Variants in ITPR1 observed in about 807,000 individuals in gnomAD.
The protein encoded by ITPR1 is inositol 1,4,5-trisphosphate receptor type 1.
Under a neutral mutation model 318.4 loss-of-function variants are expected in ITPR1, and 96 were observed. That is an observed-to-expected ratio of 0.30 (90% CI 0.26 to 0.36). The LOEUF (loss-of-function observed/expected upper bound fraction) is 0.36. Ranked by LOEUF, ITPR1 falls within the 10% of genes least tolerant of loss-of-function variation. The pLI, the probability that ITPR1 is intolerant of heterozygous loss-of-function variation, is 1.00. For synonymous variants in ITPR1, 1,312 were observed against 1,289.9 expected (o/e 1.02, Z -0.37); for missense variants, 2,440 against 3,460.2 (o/e 0.71, Z 7.40).
chr3:4,787,444 C>T (rs569721563), intron 51 of ITPR1, among the ~76,000 whole-genome samples: 3 of 150,898 alleles, frequency 2.0e-5, no homozygotes, highest in African/African-American at 7.3e-5. Flanking sequence ...CCTGTAATCC[C>T]AGCATTTTGG....
chr3:4,687,138 C>T (rs1263205628), intron 30 of ITPR1, among the ~76,000 whole-genome samples: 1 of 152,210 alleles, frequency 6.6e-6, no homozygotes, highest in Non-Finnish European at 1.5e-5. Context: ...CTGTTTTGAA[C>T]AGCATATCAG....
At chr3:4,717,942 C>T (rs143269767) in intron 40 of ITPR1, among the ~76,000 whole-genome samples, 119 of 152,282 alleles carry the variant, frequency 7.8e-4, no homozygotes, top group African/African-American at 2.4e-3. Flanking sequence ...GCAGGCTCAC[C>T]GGCAAGGTTA....
chr3:4,822,382 T>TGC (rs1486938637), intron 60 of ITPR1, among the ~76,000 whole-genome samples: 1 of 152,222 alleles, frequency 6.6e-6, no homozygotes, highest in East Asian at 1.9e-4. Context: ...AGAGTGGGCA[T>TGC]CTTGACTCTA....
chr3:4,531,861 G>A (rs1400799236), intron 4 of ITPR1, among the ~76,000 whole-genome samples: 2 of 152,180 alleles, frequency 1.3e-5, no homozygotes, highest in Non-Finnish European at 2.9e-5. Context: ...CTTTTGCACA[G>A]ACTCTGAAGC....
intron 4 of ITPR1, among the ~76,000 whole-genome samples, chr3:4,583,974 C>T (rs1353217989): frequency 6.6e-6 from 1 of 152,198 alleles, no homozygotes; most frequent in Non-Finnish European, 1.5e-5. Flanking sequence ...ATGGGCATGG[C>T]TTTCTCGCTT....
At chr3:4,592,260 G>A (rs1429021993) in intron 4 of ITPR1, among the ~76,000 whole-genome samples, 1 of 152,158 alleles carries the variant, frequency 6.6e-6, no homozygotes, top group Admixed American at 6.5e-5. Context: ...CAAACTGACT[G>A]TCTTGTTTTA....
At chr3:4,510,662 T>G (rs1284982841) in intron 2 of ITPR1, among the ~76,000 whole-genome samples, 1 of 152,220 alleles carries the variant, frequency 6.6e-6, no homozygotes, top group Admixed American at 6.5e-5. Flanking sequence ...ATCTCTAGAA[T>G]ACAGCATGTG....
At position 4,680,228 on chromosome 3, in the gene ITPR1, A is replaced by G. The variant is rs79265959; in HGVS notation, c.2968-325A>G. ...GTGTTAGGCCCAGAGTTGACATTCA[A>G]TACTTACTGAAATGGAGTCTTGTTT... On this transcript the variant is annotated intron_variant, in intron 24 of 61. Transcript: ENST00000649015. Among the ~76,000 whole-genome samples the G allele has an allele frequency of 0.017, 2,550 of 152,258 alleles. 60 individuals are homozygous for G. The highest frequency in any genetic ancestry group is 0.057 in the African/African-American group (2,356 of 41,528).
At chr3:4,531,398 T>C (rs1439272357) in intron 4 of ITPR1, among the ~76,000 whole-genome samples, 1 of 152,222 alleles carries the variant, frequency 6.6e-6, no homozygotes, top group Non-Finnish European at 1.5e-5. Context: ...GTTTCTGTAA[T>C]TCCACCTTTG....
intron 4 of ITPR1, among the ~76,000 whole-genome samples, chr3:4,522,955 T>C (rs948831149): frequency 6.6e-6 from 1 of 152,236 alleles, no homozygotes; most frequent in African/African-American, 2.4e-5. Flanking sequence ...TCAGAAACAC[T>C]GATAGCTGAA....
intron 44 of ITPR1, among the ~76,000 whole-genome samples, chr3:4,764,568 A>G (rs1244231561): frequency 1.3e-5 from 2 of 152,206 alleles, no homozygotes; most frequent in South Asian, 2.1e-4. Flanking sequence ...ATTGCTGTGA[A>G]GAAGATGAAA....
At chr3:4,649,224 T>C (rs184501176) in intron 10 of ITPR1, among the ~76,000 whole-genome samples, 9 of 152,298 alleles carry the variant, frequency 5.9e-5, no homozygotes, top group Admixed American at 5.9e-4. Context: ...CTACTTCCAT[T>C]GAGCTGTTTT....
At chr3:4,797,032 C>T (rs6802582) in intron 53 of ITPR1, among the ~76,000 whole-genome samples, 141,810 of 152,028 alleles carry the variant, frequency 0.93, 66,471 homozygotes, top group East Asian at 1. Context: ...GAATGAGCCA[C>T]CAACTCAGGC....
At chr3:4,729,941 T>TC (rs1416311554) in intron 42 of ITPR1, among the ~76,000 whole-genome samples, 3 of 139,182 alleles carry the variant, frequency 2.2e-5, no homozygotes, top group Non-Finnish European at 3.2e-5. Context: ...TTTTTTTTTT[T>TC]CCTTCTCTGC....
At chr3:4,661,857 A>G (rs1428358935) in intron 14 of ITPR1, among the ~76,000 whole-genome samples, 1 of 152,212 alleles carries the variant, frequency 6.6e-6, no homozygotes, top group Non-Finnish European at 1.5e-5. Flanking sequence ...AAATGATATT[A>G]ATGCCTCCTT....
At position 4,670,799 on chromosome 3, in the gene ITPR1, G is replaced by C; in HGVS notation, c.2077G>C (p.Asp693His). The change falls in exon 20 of 62, where the codon GAC (aspartate) becomes CAC (histidine). Residue 693 changes from aspartate to histidine, a missense_variant. Asp to His is a moderately conservative substitution (Grantham distance 81). Coordinates refer to ENST00000649015, the MANE Select transcript of ITPR1 (RefSeq NM_001378452.1). ...TGENALEAGE[D>H]EEEVWLFWRD... ...AGAGAATGCTCTGGAGGCAGGAGAA[G>C]ACGAGGAAGAGGTGTGGCTGTTTTG... The C allele has an allele frequency of 6.2e-7, 1 of 1,609,146 alleles. No individual in the cohort carries two copies. Among genetic ancestry groups the C allele is most frequent in the African/African-American group, 1.3e-5 (1 of 75,012 alleles).
chr3:4,739,040 C>T (rs554432673), intron 44 of ITPR1, among the ~76,000 whole-genome samples: 1 of 152,232 alleles, frequency 6.6e-6, no homozygotes, highest in Non-Finnish European at 1.5e-5. Context: ...CTTGTCAGAG[C>T]CCCTTGGCCC....
At chr3:4,572,454 A>G (rs2088123314) in intron 4 of ITPR1, among the ~76,000 whole-genome samples, 2 of 152,096 alleles carry the variant, frequency 1.3e-5, no homozygotes, top group Non-Finnish European at 1.5e-5. Flanking sequence ...AAAGAACGCA[A>G]ATTTGCAAGC....
At chr3:4,742,112 G>T (rs535663393) in intron 44 of ITPR1, among the ~76,000 whole-genome samples, 3 of 152,252 alleles carry the variant, frequency 2.0e-5, no homozygotes, top group African/African-American at 7.2e-5. Flanking sequence ...TTTGAGAAAT[G>T]GTGGCGTAAA....
Sources: allele counts gnomAD v4.1 joint callset (sites outside exome capture counted in the v4.1 genomes callset), GRCh38; gene constraint gnomAD v4.1.1; transcripts MANE v1.5; gene names NCBI Gene and HGNC (gene_info 2026-07-23, HGNC 2026-07-21).